BNC2: variants seen among roughly 807,000 people sequenced by gnomAD.
BNC2 encodes the protein zinc finger protein basonuclin-2.
A neutral mutation model predicts 76.3 loss-of-function variants in BNC2; 20 were observed. The observed-to-expected ratio is 0.26, with a 90% CI of 0.18 to 0.38. The LOEUF (loss-of-function observed/expected upper bound fraction) is 0.38. Among genes scored for constraint, BNC2 ranks in the 10% least tolerant of loss-of-function variants. BNC2 has a pLI of 1.00. For missense variants in BNC2, 1,382 were observed against 1,399.8 expected (o/e 0.99, Z 0.20); for synonymous variants, 582 against 514.8 (o/e 1.13, Z -1.77).
chr9:16,599,885 C>A (rs973971928), intron 3 of BNC2, among the ~76,000 whole-genome samples: 18 of 152,238 alleles, frequency 1.2e-4, no homozygotes, highest in African/African-American at 4.1e-4. Flanking sequence ...GGTGCTTCCA[C>A]TTCTTCCATA....
At chr9:16,776,504 T>C (rs1825972640) in intron 1 of BNC2, among the ~76,000 whole-genome samples, 2 of 152,108 alleles carry the variant, frequency 1.3e-5, no homozygotes, top group African/African-American at 4.8e-5. Flanking sequence ...AAGGATATAA[T>C]CAACTAGCTG....
intron 3 of BNC2, among the ~76,000 whole-genome samples, chr9:16,693,451 A>T (rs377195140): frequency 6.6e-6 from 1 of 152,166 alleles, no homozygotes; most frequent in African/African-American, 2.4e-5. Flanking sequence ...AGCATGTCTG[A>T]AACTCATTTG....
intron 3 of BNC2, among the ~76,000 whole-genome samples, chr9:16,592,483 G>A (rs1372595871): frequency 6.6e-6 from 1 of 152,136 alleles, no homozygotes; most frequent in African/African-American, 2.4e-5. Flanking sequence ...TTCAGAAGAG[G>A]GAAATATGTA....
intron 6 of BNC2, among the ~76,000 whole-genome samples, chr9:16,425,642 T>C (rs7846746): frequency 0.033 from 5,101 of 152,288 alleles, 252 homozygotes; most frequent in African/African-American, 0.1. Flanking sequence ...AAGCATGACA[T>C]ATATGGAAAA....
At chr9:16,853,057 G>A (rs573026456) in intron 1 of BNC2, among the ~76,000 whole-genome samples, 1 of 152,180 alleles carries the variant, frequency 6.6e-6, no homozygotes, top group Non-Finnish European at 1.5e-5. Flanking sequence ...TCAACCTGTG[G>A]ATAGTCTTCT....
chr9:16,790,817 C>CTTT lies in BNC2; in HGVS notation c.4-52335_4-52333dup, dbSNP rs372342400. Among the ~76,000 whole-genome samples, 757 of 128,714 alleles carry CTTT rather than the reference C, an allele frequency of 5.9e-3. 10 individuals are homozygous for CTTT. Among genetic ancestry groups the CTTT allele is most frequent in the East Asian group, 0.014 (58 of 4,292 alleles). The allele number at this position is 128,714 out of a possible 152,430, so 84.4% of individuals were successfully genotyped here. On this transcript the variant is annotated intron_variant, in intron 1 of 6. Coordinates refer to ENST00000380672, the MANE Select transcript of BNC2 (RefSeq NM_017637.6). The stretch of plus-strand genomic sequence containing the variant: ...GCTGAGTTGACATTCCCTTGGTAAG[C>CTTT]TTTTTTTTTTTTTTTTTTTAAGAAT...
chr9:16,752,795 T>G lies in BNC2; in HGVS notation c.4-14310A>C, dbSNP rs186594495. 2.1e-4 allele frequency among the ~76,000 whole-genome samples: 32 copies of G among 152,354 alleles called. No homozygotes were observed. In the East Asian group the frequency reaches 5.0e-3, roughly 24 times the overall value. On this transcript the variant is annotated intron_variant, in intron 1 of 6. Transcript: ENST00000380672. ...GCATTCCAAAGAAACTACAGGAGTG[T>G]GAGCTGGCACAGCCAATGCTAAATG...
rs559921256 is a variant in BNC2 at position 16,591,232 on chromosome 9, A to C, written c.331-8147T>G. 3.7e-3 allele frequency among the ~76,000 whole-genome samples: 564 copies of C among 152,296 alleles called. 3 individuals are homozygous for C. The highest frequency in any genetic ancestry group is 0.013 in the African/African-American group (527 of 41,558). ...TTTTCTTGCACGGTGGACAACTACTAAGCTTACTTAAGACCAGCATGAACT... is the reference window on the plus strand; with the variant it reads ...TTTTCTTGCACGGTGGACAACTACTCAGCTTACTTAAGACCAGCATGAACT... On this transcript the variant is annotated intron_variant, in intron 3 of 6. Coordinates refer to ENST00000380672, the MANE Select transcript of BNC2 (RefSeq NM_017637.6).
intron 3 of BNC2, among the ~76,000 whole-genome samples, chr9:16,629,775 T>G (rs1295014926): frequency 6.6e-6 from 1 of 152,196 alleles, no homozygotes; most frequent in Non-Finnish European, 1.5e-5. Flanking sequence ...TCTAAAATAC[T>G]TTATTGCTAA....
chr9:16,625,008 G>C (rs1820954817), intron 3 of BNC2, among the ~76,000 whole-genome samples: 1 of 152,226 alleles, frequency 6.6e-6, no homozygotes, highest in African/African-American at 2.4e-5. Flanking sequence ...AATTGGTGCA[G>C]TCGGAGTGCA....
At chr9:16,832,386 C>G in intron 1 of BNC2, 1 of 1,097,422 alleles carries the variant, frequency 9.1e-7, no homozygotes, top group Non-Finnish European at 1.2e-6. Context: ...TATGTTTTGC[C>G]CAGTTTTAGA....
At chr9:16,853,182 C>T (rs1819168479) in intron 1 of BNC2, among the ~76,000 whole-genome samples, 1 of 152,070 alleles carries the variant, frequency 6.6e-6, no homozygotes, top group Non-Finnish European at 1.5e-5. Flanking sequence ...CTTTGGGAGG[C>T]CCAGGCAGGC....
intron 3 of BNC2, among the ~76,000 whole-genome samples, chr9:16,707,920 G>A (rs141119855): frequency 7.9e-5 from 12 of 152,296 alleles, no homozygotes; most frequent in Admixed American, 2.0e-4. Flanking sequence ...AGGATTACAG[G>A]TGTGAGCCAC....
At chr9:16,622,992 A>C (rs533938918) in intron 3 of BNC2, among the ~76,000 whole-genome samples, 126 of 152,314 alleles carry the variant, frequency 8.3e-4, no homozygotes, top group African/African-American at 2.9e-3. Context: ...GATTTGAATC[A>C]GTTTGCTGTC....
At chr9:16,500,233 C>A (rs573042375) in intron 5 of BNC2, among the ~76,000 whole-genome samples, 1 of 152,252 alleles carries the variant, frequency 6.6e-6, no homozygotes, top group East Asian at 1.9e-4. Context: ...AAACTCAACT[C>A]AAGTCTGATG....
chr9:16,561,236 C>T (rs1819004184), intron 4 of BNC2, among the ~76,000 whole-genome samples: 1 of 145,550 alleles, frequency 6.9e-6, no homozygotes, highest in South Asian at 2.3e-4. Flanking sequence ...GAAACTCCGC[C>T]TCAAAAAAAA....
chr9:16,640,389 T>G (rs1404959045), intron 3 of BNC2, among the ~76,000 whole-genome samples: 1 of 152,198 alleles, frequency 6.6e-6, no homozygotes, highest in Non-Finnish European at 1.5e-5. Context: ...TCAGCTAATT[T>G]TGACACTTTT....
At chr9:16,722,636 C>T (rs536705948) in intron 3 of BNC2, among the ~76,000 whole-genome samples, 8 of 152,242 alleles carry the variant, frequency 5.3e-5, no homozygotes, top group Middle Eastern at 3.4e-3. Flanking sequence ...AATTTCAAAA[C>T]GATCACCTAC....
chr9:16,419,387 G>A lies in BNC2; in HGVS notation c.2902C>T (p.Leu968Phe), dbSNP rs1249641384. The part of the protein sequence containing the change: ...MVLDLSTTSS[L>F]QSSSSIHSSR... Reference sequence around the variant, plus strand: ...GAATGGATACTGCTGCTGGACTGGAGGCTGGAGGTGGTGCTCAAGTCAAGG... The same window carrying A: ...GAATGGATACTGCTGCTGGACTGGAAGCTGGAGGTGGTGCTCAAGTCAAGG... The change falls in exon 7 of 7, where the codon CTC becomes TTC. Residue 968 changes from leucine (L) to phenylalanine (F), a missense_variant. By Grantham distance (22) the Leu-to-Phe change is conservative. Transcript: ENST00000380672. 1.2e-6 allele frequency: 2 copies of A among 1,601,950 alleles called. No homozygotes were observed. Among genetic ancestry groups the A allele is most frequent in the Non-Finnish European group, 1.7e-6 (2 of 1,173,430 alleles).
Sources: allele counts gnomAD v4.1 joint callset (sites outside exome capture counted in the v4.1 genomes callset), GRCh38; gene constraint gnomAD v4.1.1; transcripts MANE v1.5; gene names NCBI Gene and HGNC (gene_info 2026-07-23, HGNC 2026-07-21).